PAK1: variants seen among roughly 807,000 people sequenced by gnomAD.
PAK1 encodes the protein serine/threonine-protein kinase PAK 1.
In PAK1, 29 loss-of-function variants were observed where a neutral mutation model predicts 67.4. That is an observed-to-expected ratio of 0.43 (90% CI 0.32 to 0.59). The LOEUF (loss-of-function observed/expected upper bound fraction) is 0.59. Among genes scored for constraint, PAK1 ranks in the 20% least tolerant of loss-of-function variants. The pLI is 0.07. For missense variants in PAK1, 337 were observed against 670.7 expected (o/e 0.50, Z 5.50); for synonymous variants, 223 against 237.4 (o/e 0.94, Z 0.56).
chr11:77,433,579 A>G (rs1955964616), intron 1 of PAK1, among the ~76,000 whole-genome samples: 2 of 152,134 alleles, frequency 1.3e-5, no homozygotes, highest in South Asian at 2.1e-4. Flanking sequence ...GGAGATCAAG[A>G]CCATCCTGGC....
At position 77,336,215 on chromosome 11, in the gene PAK1, T is replaced by A. The variant is rs142211771; in HGVS notation, c.1284A>T (p.Pro428=). 951 of 1,614,122 alleles carry A rather than the reference T, an allele frequency of 5.9e-4. No homozygotes were observed. Among genetic ancestry groups the A allele is most frequent in the Non-Finnish European group, 7.8e-4 (919 of 1,179,940 alleles). ...TCACAACCTCTGGTGCCATCCAGTA[T>A]GGGGTTCCTACCATGGTGCTCCGTT... ...QSKRSTMVGT[P]YWMAPEVVTR... Residue 428 remains proline, a synonymous_variant, in exon 13 of 15, where the codon CCA becomes CCT. Coordinates refer to ENST00000356341, the MANE Select transcript of PAK1 (RefSeq NM_002576.5).
chr11:77,432,607 A>G (rs994534161), intron 1 of PAK1, among the ~76,000 whole-genome samples: 1 of 152,192 alleles, frequency 6.6e-6, no homozygotes, highest in Non-Finnish European at 1.5e-5. Context: ...GCAGTGAACT[A>G]CAATTGCACC....
the PAK1 span, among the ~76,000 whole-genome samples, chr11:77,481,314 TC>T: frequency 6.6e-6 from 1 of 152,220 alleles, no homozygotes; most frequent in Non-Finnish European, 1.5e-5. Flanking sequence ...TGTCAATTTT[TC>T]CCTTTTTGAT....
intron 1 of PAK1, among the ~76,000 whole-genome samples, chr11:77,413,892 G>C (rs1022762273): frequency 2.6e-5 from 4 of 152,080 alleles, no homozygotes; most frequent in African/African-American, 7.2e-5. Context: ...GCAGTCCTCT[G>C]CCTTAGACAC....
chr11:77,383,870 A>G (rs1290243605), intron 2 of PAK1, among the ~76,000 whole-genome samples: 1 of 152,158 alleles, frequency 6.6e-6, no homozygotes, highest in African/African-American at 2.4e-5. Context: ...TAAACAGCTG[A>G]GGTCAGGGAA....
the PAK1 span, among the ~76,000 whole-genome samples, chr11:77,507,733 C>T: frequency 7.2e-5 from 11 of 152,012 alleles, no homozygotes; most frequent in East Asian, 5.8e-4. Flanking sequence ...CCTACATTGC[C>T]CTGGCTGGTC....
intron 1 of PAK1, among the ~76,000 whole-genome samples, chr11:77,465,240 G>C (rs536204041): frequency 6.6e-6 from 1 of 152,252 alleles, no homozygotes; most frequent in Admixed American, 6.5e-5. Context: ...GCACCCAAAT[G>C]ATCAGGAACA....
chr11:77,399,893 A>C, intron 1 of PAK1, among the ~76,000 whole-genome samples: 1 of 149,354 alleles, frequency 6.7e-6, no homozygotes, highest in East Asian at 2.0e-4. Flanking sequence ...AAAAGAAATA[A>C]GATTAACAGG....
chr11:77,380,106 T>A (rs1183083610), intron 2 of PAK1, 112 bp from the exon 3 acceptor site: 1 of 697,670 alleles, frequency 1.4e-6, no homozygotes, highest in Non-Finnish European at 2.4e-6. Context: ...GTCTATCTAT[T>A]AATATTTCAC....
the PAK1 span, among the ~76,000 whole-genome samples, chr11:77,496,703 C>G: frequency 6.6e-6 from 1 of 152,096 alleles, no homozygotes; most frequent in East Asian, 1.9e-4. Context: ...GAGGTCAAGC[C>G]AGGCAGATCA....
chr11:77,484,545 T>C, the PAK1 span, among the ~76,000 whole-genome samples: 1 of 152,214 alleles, frequency 6.6e-6, no homozygotes, highest in Non-Finnish European at 1.5e-5. Flanking sequence ...GTTCCACCAA[T>C]TAGAAGCACT....
chr11:77,446,051 T>C (rs1021465038), intron 1 of PAK1, among the ~76,000 whole-genome samples: 1 of 152,238 alleles, frequency 6.6e-6, no homozygotes, highest in African/African-American at 2.4e-5. Flanking sequence ...TTGCCACTAG[T>C]CTGCAAGCTT....
chr11:77,423,121 A>C (rs1955359373), intron 1 of PAK1, among the ~76,000 whole-genome samples: 1 of 152,088 alleles, frequency 6.6e-6, no homozygotes, highest in Admixed American at 6.6e-5. Flanking sequence ...CTAGAGAATC[A>C]AGAAAAAGAT....
At chr11:77,373,425 T>C (rs1372445937) in intron 5 of PAK1, among the ~76,000 whole-genome samples, 4 of 152,070 alleles carry the variant, frequency 2.6e-5, no homozygotes, top group Non-Finnish European at 5.9e-5. Context: ...CTGAGTGTGA[T>C]GGCTTATACC....
At position 77,359,003 on chromosome 11, in the gene PAK1, C is replaced by T. The variant is rs757532630; in HGVS notation, c.492G>A (p.Val164=). The change falls in exon 6 of 15, where the codon GTG becomes GTA. Residue 164 remains valine (V), a synonymous_variant. Coordinates refer to ENST00000356341, the MANE Select transcript of PAK1 (RefSeq NM_002576.5). ...CTGGTGGCACTGCAGGAGTCTCAGA[C>T]ACAGCCTTCACATTCTGTGCAAAGA... The part of the protein sequence containing the change: ...NSSNALNVKA[V]SETPAVPPVS... 1 of 1,613,144 alleles carries T rather than the reference C, an allele frequency of 6.2e-7. No individual in the cohort carries two copies. The highest frequency in any genetic ancestry group is 8.5e-7 in the Non-Finnish European group (1 of 1,179,416).
intron 1 of PAK1, among the ~76,000 whole-genome samples, chr11:77,431,327 T>C (rs1017523795): frequency 1.2e-4 from 19 of 152,336 alleles, no homozygotes; most frequent in African/African-American, 4.6e-4. Flanking sequence ...ATAATTTATG[T>C]CTCATATCAA....
At chr11:77,410,911 T>C (rs1954424988) in intron 1 of PAK1, among the ~76,000 whole-genome samples, 1 of 152,134 alleles carries the variant, frequency 6.6e-6, no homozygotes, top group Admixed American at 6.5e-5. Flanking sequence ...GTCATTAACT[T>C]AGCAGAATAA....
At chr11:77,525,750 TG>T in the PAK1 span, among the ~76,000 whole-genome samples, 1 of 152,222 alleles carries the variant, frequency 6.6e-6, no homozygotes, top group East Asian at 1.9e-4. Flanking sequence ...TGGGACCAAT[TG>T]TACACCACAT....
At chr11:77,354,572 C>T (rs986917200) in intron 7 of PAK1, among the ~76,000 whole-genome samples, 3 of 152,000 alleles carry the variant, frequency 2.0e-5, no homozygotes, top group Admixed American at 2.0e-4. Flanking sequence ...ATTGTTAAAA[C>T]AAAACAAAAC....
Sources: gnomAD v4.1 joint callset for allele counts (sites outside exome capture counted in the v4.1 genomes callset) on GRCh38, gnomAD v4.1.1 for gene constraint, MANE v1.5 for transcripts, NCBI Gene and HGNC (gene_info 2026-07-23, HGNC 2026-07-21) for gene names.